Variants in MUSK observed in about 807,000 individuals in gnomAD.
MUSK encodes muscle associated receptor tyrosine kinase.
A neutral mutation model predicts 88.7 loss-of-function variants in MUSK; 55 were observed. The observed-to-expected ratio is 0.62, with a 90% CI of 0.50 to 0.78. The LOEUF is 0.78. MUSK is among the 30% of genes least tolerant of loss of function. The pLI is 0.00. For synonymous variants in MUSK, 387 were observed against 391.9 expected (o/e 0.99, Z 0.15); for missense variants, 1,015 against 1,074.3 (o/e 0.94, Z 0.77).
intron 1 of MUSK, among the ~76,000 whole-genome samples, chr9:110,669,566 C>G (rs1372712615): frequency 6.6e-6 from 1 of 152,106 alleles, no homozygotes; most frequent in Non-Finnish European, 1.5e-5. Context: ...TTTGGCTTGG[C>G]AAGAGACTGC....
chr9:110,710,326 G>T (rs145170283), intron 5 of MUSK, among the ~76,000 whole-genome samples: 189 of 152,246 alleles, frequency 1.2e-3, no homozygotes, highest in African/African-American at 4.2e-3. Flanking sequence ...GAAATGGGGG[G>T]TAATATTATC....
chr9:110,755,965 C>CGTAT (rs1554750841), intron 7 of MUSK, among the ~76,000 whole-genome samples: 2 of 81,620 alleles, frequency 2.5e-5, no homozygotes, highest in South Asian at 4.1e-4. Context: ...TATATATATA[C>CGTAT]ATATATATAT....
intron 7 of MUSK, chr9:110,748,082 C>T (rs1443193624): frequency 3.6e-6 from 2 of 555,228 alleles, no homozygotes; most frequent in Non-Finnish European, 6.8e-6. Context: ...ATCTTTTTTC[C>T]TTTTCTCCAT....
intron 4 of MUSK, among the ~76,000 whole-genome samples, chr9:110,696,301 A>T (rs1281080312): frequency 6.6e-6 from 1 of 151,978 alleles, no homozygotes; most frequent in Non-Finnish European, 1.5e-5. Flanking sequence ...GTTATTATCC[A>T]TATGCTTATT....
Position 110,775,819 on chromosome 9 carries a change from T to C in MUSK, c.1216T>C (p.Cys406Arg). The change falls in exon 10 of 15, where the codon TGC becomes CGC. Residue 406 changes from cysteine (C) to arginine (R), a missense_variant. Transcript: ENST00000374448. ...EYCLAVKELF[C>R]AKEWLVMEEK... ...CTGCTTGGCAGTAAAGGAGCTCTTC[T>C]GCGCAAAAGAATGGCTGGTAATGGA... 1 of 1,613,930 alleles carries C rather than the reference T, an allele frequency of 6.2e-7. No homozygotes were observed. Among genetic ancestry groups the C allele is most frequent in the South Asian group, 1.1e-5 (1 of 91,080 alleles).
chr9:110,800,578 G>A lies in MUSK; in HGVS notation c.2200G>A (p.Gly734Ser), dbSNP rs376635652. 4.3e-5 allele frequency: 69 copies of A among 1,613,406 alleles called. No individual in the cohort carries two copies. The African/African-American group carries it at 8.6e-4, about 20-fold the overall frequency. Residue 734 changes from glycine (G) to serine (S), a missense_variant, in exon 15 of 15, where the codon GGC becomes AGC. Coordinates refer to ENST00000374448, the MANE Select transcript of MUSK (RefSeq NM_005592.4). ...RDLATRNCLVGENMVVKIADF... is the reference protein window; with the variant it reads ...RDLATRNCLVSENMVVKIADF... ...TTTAGCCACCAGGAACTGCCTGGTG[G>A]GCGAGAACATGGTGGTGAAAATTGC...
chr9:110,670,880 A>G lies in MUSK; in HGVS notation c.79+1897A>G, dbSNP rs376186444. ...CATACAGCAGTTCTGAGAATAACTA[A>G]TATCATGAAAGCATAATCCTTAAAA... On this transcript the variant is annotated intron_variant, in intron 1 of 14. Transcript: ENST00000374448. Among the ~76,000 whole-genome samples the G allele has an allele frequency of 8.7e-4, 133 of 152,270 alleles. 3 individuals are homozygous for G. In the South Asian group the frequency reaches 0.022, roughly 25 times the overall value.
At chr9:110,729,675 A>G (rs1164141376) in intron 5 of MUSK, among the ~76,000 whole-genome samples, 1 of 152,046 alleles carries the variant, frequency 6.6e-6, no homozygotes, top group African/African-American at 2.4e-5. Flanking sequence ...CATGTAACCT[A>G]AAAACCCTTT....
intron 9 of MUSK, chr9:110,775,398 G>A (rs559350102): frequency 2.2e-4 from 53 of 239,730 alleles, no homozygotes; most frequent in Non-Finnish European, 3.3e-4. Flanking sequence ...CTGGAAACTG[G>A]TTGACAATGA....
intron 5 of MUSK, among the ~76,000 whole-genome samples, chr9:110,710,774 C>T (rs950449012): frequency 3.9e-5 from 6 of 151,984 alleles, no homozygotes; most frequent in African/African-American, 9.7e-5. Flanking sequence ...AGGCGGCCTT[C>T]GTGTGTATCC....
chr9:110,784,034 T>C (rs911081225), intron 11 of MUSK, among the ~76,000 whole-genome samples: 2 of 152,140 alleles, frequency 1.3e-5, no homozygotes, highest in African/African-American at 2.4e-5. Context: ...TTAAAATTTA[T>C]TGAGATTAAT....
chr9:110,761,637 G>T (rs1239909857), intron 7 of MUSK, among the ~76,000 whole-genome samples: 1 of 131,638 alleles, frequency 7.6e-6, no homozygotes, highest in Non-Finnish European at 1.6e-5. Context: ...GCACTGGCGC[G>T]ATCTTGGTTC....
chr9:110,781,317 C>T (rs1405449731), intron 11 of MUSK, among the ~76,000 whole-genome samples: 1 of 151,922 alleles, frequency 6.6e-6, no homozygotes, highest in Non-Finnish European at 1.5e-5. Flanking sequence ...CACTCTGTCG[C>T]CCAGGCTGGA....
chr9:110,684,600 C>CA (rs1386008246), intron 2 of MUSK, among the ~76,000 whole-genome samples: 1 of 151,884 alleles, frequency 6.6e-6, no homozygotes, highest in Non-Finnish European at 1.5e-5. Context: ...TTGATTCTTC[C>CA]AATCCATTAA....
In MUSK at chr9:110,689,711, CTATATATGT is replaced by C. The variant is rs1305670136; in HGVS notation, c.358+2451_358+2459del. On this transcript the variant is annotated intron_variant, in intron 3 of 14. Transcript: ENST00000374448. Reference sequence around the variant, plus strand: ...TATATAGTTATATATAAATATATAACTATATATGTTATATATAGTTTATATATAATATTA... The same window carrying C: ...TATATAGTTATATATAAATATATAACTATATATAGTTTATATATAATATTA... Among the ~76,000 whole-genome samples the C allele has an allele frequency of 4.6e-3, 151 of 32,672 alleles. 7 individuals are homozygous for C. The highest frequency in any genetic ancestry group is 6.2e-3 in the Non-Finnish European group (127 of 20,476). 21.4% of individuals were successfully genotyped at this position (32,672 alleles called of 152,430 possible).
At chr9:110,770,302 ATTAAC>A (rs1428692134) in intron 9 of MUSK, among the ~76,000 whole-genome samples, 5 of 142,908 alleles carry the variant, frequency 3.5e-5, no homozygotes, top group South Asian at 4.3e-4. Flanking sequence ...ACAATTATAT[ATTAAC>A]TTAACAATAA....
intron 1 of MUSK, among the ~76,000 whole-genome samples, chr9:110,672,621 G>A (rs1389730052): frequency 6.6e-6 from 1 of 151,884 alleles, no homozygotes; most frequent in Non-Finnish European, 1.5e-5. Context: ...GGAAGAGAAG[G>A]TTAAAAAGTT....
At chr9:110,772,582 G>A (rs1226877899) in intron 9 of MUSK, among the ~76,000 whole-genome samples, 1 of 151,620 alleles carries the variant, frequency 6.6e-6, no homozygotes, top group East Asian at 1.9e-4. Context: ...AATAAAAATT[G>A]GCATTTATAA....
chr9:110,687,430 G>T (rs1046889902), intron 3 of MUSK, among the ~76,000 whole-genome samples, 162 bp downstream of exon 3: 1 of 151,986 alleles, frequency 6.6e-6, no homozygotes, highest in African/African-American at 2.4e-5. Flanking sequence ...CACCTCCTGG[G>T]TTCAAGTGAT....
Sources: allele counts gnomAD v4.1 joint callset (sites outside exome capture counted in the v4.1 genomes callset), GRCh38; gene constraint gnomAD v4.1.1; transcripts MANE v1.5; gene names NCBI Gene and HGNC (gene_info 2026-07-23, HGNC 2026-07-21).